The following MEGF6 variants were observed in gnomAD, a reference collection of about 807,000 sequenced individuals.
The protein encoded by MEGF6 is multiple EGF like domains 6.
MEGF6 carries 184 observed loss-of-function variants against 207.1 expected under a neutral mutation model. The observed-to-expected ratio is 0.89, with a 90% CI of 0.79 to 1.00. MEGF6 has a LOEUF of 1.00. MEGF6 is among the 50% of genes least tolerant of loss of function. MEGF6 has a pLI of 0.00. For missense variants in MEGF6, 2,282 were observed against 2,202.9 expected (o/e 1.04, Z -0.72); for synonymous variants, 1,038 against 910.0 (o/e 1.14, Z -2.53).
chr1:3,542,249 G>A (rs1557763423), intron 4 of MEGF6, among the ~76,000 whole-genome samples: 1 of 152,396 alleles, frequency 6.6e-6, no homozygotes, highest in East Asian at 1.9e-4. Flanking sequence ...GAGGCCAAAG[G>A]CAGCACTGCT....
chr1:3,576,598 G>C (rs1188923288), intron 4 of MEGF6, among the ~76,000 whole-genome samples: 1 of 152,070 alleles, frequency 6.6e-6, no homozygotes, highest in East Asian at 1.9e-4. Context: ...CTAGGTGGGA[G>C]CACTATGGGC....
Position 3,511,587 on chromosome 1 carries a change from GC to G in MEGF6, c.1076del (p.Arg359ProfsTer164). 1 of 1,611,940 alleles carries G rather than the reference GC, an allele frequency of 6.2e-7. No individual in the cohort carries two copies. Among genetic ancestry groups the G allele is most frequent in the Non-Finnish European group, 8.5e-7 (1 of 1,179,218 alleles). On this transcript the variant is annotated frameshift_variant, in exon 9 of 37. Coordinates refer to ENST00000356575, the MANE Select transcript of MEGF6 (RefSeq NM_001409.4). LOFTEE classifies it high-confidence loss of function. ...TCTGATCTGTGTCCAGCTCGTAGCC[GC>G]GGGGACATGTGCACAGGGGCCCAGC... ...TSAGPLCTCP[R>X]GYELDTDQRT...
intron 34 of MEGF6, chr1:3,493,267 GAGCCCCTCTTATCCTCA>G (rs1640450583): frequency 4.7e-6 from 1 of 214,196 alleles, no homozygotes; most frequent in Admixed American, 5.4e-5. Context: ...ATCCTCAGGT[GAGCCCCTCTTATCCTCA>G]GGTGAGCCCC....
chr1:3,488,256 T>TG lies in MEGF6; in HGVS notation c.*2271dup, dbSNP rs1233820963. On this transcript the variant is annotated 3_prime_UTR_variant, in exon 37 of 37. Coordinates refer to ENST00000356575, the MANE Select transcript of MEGF6 (RefSeq NM_001409.4). ...ATTTTCCTCTGCTCCTGACCGCCGT[T>TG]GGATAGCTGAGATTTCCTCCGGATG... 1.3e-5 allele frequency among the ~76,000 whole-genome samples: 2 copies of TG among 152,236 alleles called. No individual in the cohort carries two copies. The highest frequency in any genetic ancestry group is 2.9e-5 in the Non-Finnish European group (2 of 68,042).
At chr1:3,546,288 G>A (rs1405879510) in intron 4 of MEGF6, among the ~76,000 whole-genome samples, 1 of 152,212 alleles carries the variant, frequency 6.6e-6, no homozygotes, top group Non-Finnish European at 1.5e-5. Flanking sequence ...CAGCCATGGT[G>A]GGGCTGAGCT....
At position 3,495,893 on chromosome 1, in the gene MEGF6, G is replaced by A. The variant is rs372360295; in HGVS notation, c.3868C>T (p.Arg1290Ter). ...GCCCTCTGGAGTGAACACTCACCTCGCTCACAGCGGACGCCGGCTCTCCCC... is the reference window on the plus strand; with the variant it reads ...GCCCTCTGGAGTGAACACTCACCTCACTCACAGCGGACGCCGGCTCTCCCC... ...PPGRAGVRCE[R>*]GCPQNRFGVG... The change falls in exon 30 of 37, where the codon CGA becomes TGA. Residue 1290 changes from arginine (R) to a stop codon, truncating the protein, a stop_gained. Transcript: ENST00000356575. LOFTEE classifies it high-confidence loss of function. 6.9e-6 allele frequency: 11 copies of A among 1,598,164 alleles called. No individual in the cohort carries two copies. Among genetic ancestry groups the A allele is most frequent in the African/African-American group, 1.3e-5 (1 of 75,012 alleles).
intron 4 of MEGF6, among the ~76,000 whole-genome samples, chr1:3,545,599 C>T (rs992799154): frequency 6.6e-6 from 1 of 152,168 alleles, no homozygotes; most frequent in African/African-American, 2.4e-5. Flanking sequence ...CTCCCCTCAT[C>T]CTGCCCAACT....
In MEGF6 at chr1:3,538,696, CTGTGTGTGTGTG is replaced by C. The variant is rs57325073; in HGVS notation, c.482-14462_482-14451del. Among the ~76,000 whole-genome samples, 906 of 132,012 alleles carry C rather than the reference CTGTGTGTGTGTG, an allele frequency of 6.9e-3. 14 individuals carry two copies. The highest frequency in any genetic ancestry group is 0.021 in the African/African-American group (711 of 33,322). The allele number at this position is 132,012 out of a possible 152,430, so 86.6% of individuals were successfully genotyped here. A position where few individuals can be genotyped will look rare whatever the true frequency, so the allele number is the denominator to read the frequency against. ...TGCTGCCGGCCAGCAGAGCATGTGC[CTGTGTGTGTGTG>C]TGTGTGTGTGTGTGTGTGTGTGTGT... is the stretch of plus-strand genomic sequence containing the variant. On this transcript the variant is annotated intron_variant, in intron 4 of 36. Transcript: ENST00000356575.
chr1:3,529,448 G>A (rs1175694313), intron 4 of MEGF6, among the ~76,000 whole-genome samples: 4 of 152,224 alleles, frequency 2.6e-5, no homozygotes, highest in African/African-American at 9.7e-5. Flanking sequence ...AGACAGCTGC[G>A]ACATGAACCT....
chr1:3,612,814 A>C (rs1255362013), upstream of MEGF6, among the ~76,000 whole-genome samples: 7 of 152,160 alleles, frequency 4.6e-5, no homozygotes, highest in African/African-American at 1.7e-4. Flanking sequence ...CCCAACACAC[A>C]CAGGCTGTCT....
At chr1:3,508,836 A>C in intron 12 of MEGF6, 147 bp from the exon 13 acceptor site, 3 of 1,159,238 alleles carry the variant, frequency 2.6e-6, no homozygotes, top group Non-Finnish European at 3.6e-6. Flanking sequence ...ATGGGGACAG[A>C]TGCTGGGGCC....
Position 3,499,171 on chromosome 1 carries a change from C to T in MEGF6, c.3061G>A (p.Ala1021Thr). Residue 1021 changes from alanine to threonine, a missense_variant, in exon 24 of 37, where the codon GCC becomes ACC. Ala to Thr is a moderately conservative substitution (Grantham distance 58, BLOSUM62 0). Transcript: ENST00000356575. The stretch of plus-strand genomic sequence containing the variant: ...CAGGAGGGCCCCATCCAGCCAGGGG[C>T]ACAGTGGCACTGCCCGTGGACAGGG... The part of the protein sequence containing the change: ...CDPVHGQCHC[A>T]PGWMGPSCLQ... The T allele has an allele frequency of 1.9e-6, 3 of 1,604,280 alleles. No individual in the cohort carries two copies. Among genetic ancestry groups the T allele is most frequent in the Non-Finnish European group, 2.5e-6 (3 of 1,176,764 alleles).
intron 3 of MEGF6, among the ~76,000 whole-genome samples, chr1:3,584,023 C>T (rs1039545815): frequency 6.6e-5 from 10 of 152,224 alleles, no homozygotes; most frequent in Admixed American, 2.0e-4. Flanking sequence ...GGCCATTTGC[C>T]AGCTGCCCAG....
intron 5 of MEGF6, among the ~76,000 whole-genome samples, chr1:3,519,656 G>A (rs139325101): frequency 6.6e-5 from 10 of 152,356 alleles, no homozygotes; most frequent in Non-Finnish European, 1.2e-4. Context: ...CACTGCCTAC[G>A]CAGTGCCCGG....
intron 20 of MEGF6, 73 bp from the exon 21 acceptor site, chr1:3,500,837 A>G: frequency 6.3e-7 from 1 of 1,593,452 alleles, no homozygotes; most frequent in Non-Finnish European, 8.6e-7. Context: ...AGTCAGGCAC[A>G]GGGGCGTCTC....
Position 3,494,761 on chromosome 1 carries a change from G to A in MEGF6, c.3872-20C>T, listed in dbSNP as rs1311601014. On this transcript the variant is annotated intron_variant, in intron 30 of 36. Transcript: ENST00000356575. ...GGCAGCCTGGAGACAGAAGGCAGGT[G>A]CTGCCTGGAGCTCTGGCCGAGGGCT... is the stretch of plus-strand genomic sequence containing the variant. The A allele has an allele frequency of 6.5e-7, 1 of 1,546,614 alleles. No homozygotes were observed. The highest frequency in any genetic ancestry group is 1.9e-5 in the Admixed American group (1 of 53,310).
At chr1:3,610,073 C>G (rs1427858918) in intron 1 of MEGF6, among the ~76,000 whole-genome samples, 1 of 152,238 alleles carries the variant, frequency 6.6e-6, no homozygotes, top group Non-Finnish European at 1.5e-5. Context: ...AATGTCCCGC[C>G]GTCATGTGGA....
intron 28 of MEGF6, 43 bp downstream of exon 28, chr1:3,496,945 G>C: frequency 1.3e-6 from 2 of 1,542,062 alleles, no homozygotes; most frequent in East Asian, 2.5e-5. Context: ...CAGCACGCCA[G>C]GCAGCACTGC....
chr1:3,502,531 G>T (rs1258520311), intron 17 of MEGF6, among the ~76,000 whole-genome samples: 2 of 152,090 alleles, frequency 1.3e-5, no homozygotes, highest in African/African-American at 4.8e-5. Context: ...CCTGTGGGAT[G>T]GGGCTAGAAT....
Sources: allele counts gnomAD v4.1 joint callset (sites outside exome capture counted in the v4.1 genomes callset), GRCh38; gene constraint gnomAD v4.1.1; transcripts MANE v1.5; gene names NCBI Gene and HGNC (gene_info 2026-07-23, HGNC 2026-07-21).